MEF2C: variants seen among roughly 807,000 people sequenced by gnomAD.
MEF2C encodes myocyte-specific enhancer factor 2C.
Under a neutral mutation model 50.5 loss-of-function variants are expected in MEF2C, and 6 were observed. The observed-to-expected ratio is 0.12, with a 90% CI of 0.07 to 0.23. The LOEUF (loss-of-function observed/expected upper bound fraction) is 0.23, where lower values mean the gene tolerates loss of function less well. MEF2C is among the 10% of genes least tolerant of loss of function. MEF2C has a pLI of 1.00. For synonymous variants in MEF2C, 183 were observed against 228.0 expected (o/e 0.80, Z 1.78); for missense variants, 276 against 605.0 (o/e 0.46, Z 5.70).
At chr5:88,760,245 T>A (rs1777239216) in intron 4 of MEF2C, among the ~76,000 whole-genome samples, 1 of 152,258 alleles carries the variant, frequency 6.6e-6, no homozygotes. Context: ...AACAAAATAA[T>A]ACATGCAGTT....
chr5:88,770,040 T>C, intron 3 of MEF2C: 2 of 978,972 alleles, frequency 2.0e-6, no homozygotes, highest in South Asian at 4.7e-5. Flanking sequence ...GCAATGTTAG[T>C]GATTTCTTAA....
At chr5:88,824,489 AATT>A (rs1303708385) in intron 1 of MEF2C, 2 of 367,510 alleles carry the variant, frequency 5.4e-6, no homozygotes, top group Admixed American at 1.3e-4. Context: ...ACTTTAAAAA[AATT>A]ATTGCTGTGA....
chr5:88,815,161 A>T (rs1804746870), intron 2 of MEF2C, among the ~76,000 whole-genome samples: 1 of 152,144 alleles, frequency 6.6e-6, no homozygotes, highest in South Asian at 2.1e-4. Flanking sequence ...TGGGGGCAAA[A>T]ACATGTTTAC....
chr5:88,814,905 T>G (rs565094679), intron 2 of MEF2C, among the ~76,000 whole-genome samples: 2 of 152,178 alleles, frequency 1.3e-5, no homozygotes, highest in Admixed American at 1.3e-4. Flanking sequence ...TATAAGAGAT[T>G]TTACTGTGGC....
chr5:88,872,793 C>G (rs990892558), intron 1 of MEF2C, among the ~76,000 whole-genome samples: 3 of 151,954 alleles, frequency 2.0e-5, no homozygotes, highest in Non-Finnish European at 4.4e-5. Context: ...CTGCCTAAAA[C>G]CACTAATCAG....
intron 3 of MEF2C, among the ~76,000 whole-genome samples, chr5:88,801,353 T>A (rs1360314190): frequency 1.8e-4 from 27 of 152,176 alleles, no homozygotes; most frequent in Admixed American, 1.8e-3. Flanking sequence ...GTAAACAATC[T>A]TAACTTTTGA....
At chr5:88,824,896 T>C (rs562469527) in intron 1 of MEF2C, 6 of 152,062 alleles carry the variant, frequency 3.9e-5, no homozygotes, top group African/African-American at 1.4e-4. Flanking sequence ...TGGTTTTAAA[T>C]TACATCTGAA....
intron 6 of MEF2C, chr5:88,733,877 C>T (rs958133550): frequency 7.1e-6 from 7 of 985,236 alleles, no homozygotes; most frequent in Middle Eastern, 5.2e-4. Context: ...ATATCAATTC[C>T]CTTCTATAAG....
intron 2 of MEF2C, among the ~76,000 whole-genome samples, chr5:88,821,710 T>C (rs1445534713): frequency 2.0e-5 from 3 of 151,774 alleles, no homozygotes; most frequent in African/African-American, 7.3e-5. Context: ...TTTTAAAAAT[T>C]GAACTCACTG....
intron 2 of MEF2C, among the ~76,000 whole-genome samples, chr5:88,813,117 C>A (rs1243690710): frequency 6.6e-6 from 1 of 152,156 alleles, no homozygotes. Context: ...ATAGACTCTG[C>A]AGCCAACTCT....
chr5:88,830,901 T>C (rs1367563461), intron 1 of MEF2C, among the ~76,000 whole-genome samples: 1 of 152,082 alleles, frequency 6.6e-6, no homozygotes, highest in Non-Finnish European at 1.5e-5. Context: ...GCAGCTGGAT[T>C]TTTGTTGCTG....
In MEF2C at chr5:88,817,646, C is replaced by A. The variant is rs916197147; in HGVS notation, c.54+6089G>T. 5.9e-5 allele frequency among the ~76,000 whole-genome samples: 9 copies of A among 151,924 alleles called. No individual in the cohort carries two copies. In the East Asian group the frequency reaches 1.2e-3, roughly 20 times the overall value. On this transcript the variant is annotated intron_variant, in intron 2 of 10. Coordinates refer to ENST00000504921, the MANE Select transcript of MEF2C (RefSeq NM_002397.5). Reference sequence around the variant, plus strand: ...AATTACATGAAGTTTTGTTTGCTGGCAAAAACTATTAGTGTGCCAGATCTG... The same window carrying A: ...AATTACATGAAGTTTTGTTTGCTGGAAAAAACTATTAGTGTGCCAGATCTG...
intron 3 of MEF2C, among the ~76,000 whole-genome samples, chr5:88,803,836 G>A (rs968389535): frequency 6.6e-6 from 1 of 152,018 alleles, no homozygotes; most frequent in African/African-American, 2.4e-5. Flanking sequence ...GAAAAAAAAT[G>A]TTCCAGCCAA....
intron 1 of MEF2C, chr5:88,827,133 G>T (rs1811222178): frequency 1.3e-5 from 2 of 151,960 alleles, no homozygotes; most frequent in Admixed American, 1.3e-4. Context: ...AAGTCGAGAA[G>T]AATTTCTTCT....
intron 1 of MEF2C, among the ~76,000 whole-genome samples, chr5:88,874,942 A>C (rs1362580241): frequency 6.6e-6 from 1 of 151,988 alleles, no homozygotes; most frequent in Non-Finnish European, 1.5e-5. Flanking sequence ...AGTTTTAGAA[A>C]GGTGTGCTGG....
intron 1 of MEF2C, among the ~76,000 whole-genome samples, chr5:88,862,473 A>C (rs1414683967): frequency 6.6e-6 from 1 of 152,172 alleles, no homozygotes; most frequent in African/African-American, 2.4e-5. Context: ...TAAAATATAC[A>C]AGATGTTTTC....
intron 8 of MEF2C, 25 bp from the exon 9 acceptor site, chr5:88,729,372 T>C: frequency 2.6e-6 from 4 of 1,556,484 alleles, no homozygotes; most frequent in African/African-American, 1.4e-5. Context: ...AAAAAGACAT[T>C]ACTGATGAAT....
chr5:88,840,910 C>T (rs1429094578), intron 1 of MEF2C, among the ~76,000 whole-genome samples: 1 of 152,078 alleles, frequency 6.6e-6, no homozygotes, highest in African/African-American at 2.4e-5. Context: ...TATCCTTTTT[C>T]CTTCACACTT....
chr5:88,842,497 G>T (rs1215037795), intron 1 of MEF2C, among the ~76,000 whole-genome samples: 2 of 150,354 alleles, frequency 1.3e-5, no homozygotes, highest in African/African-American at 4.9e-5. Flanking sequence ...TATAATAAAA[G>T]ATAGTGGATT....
Sources: allele counts gnomAD v4.1 joint callset (sites outside exome capture counted in the v4.1 genomes callset), GRCh38; gene constraint gnomAD v4.1.1; transcripts MANE v1.5; gene names NCBI Gene and HGNC (gene_info 2026-07-23, HGNC 2026-07-21).